Variants in KYNU observed in about 807,000 individuals in gnomAD.
KYNU encodes kynureninase, also known as L-kynurenine hydrolase.
Under a neutral mutation model 59.2 loss-of-function variants are expected in KYNU, and 54 were observed. The ratio of observed to expected loss-of-function variants is 0.91; its 90% confidence interval spans 0.73 to 1.14. KYNU has a LOEUF of 1.14. Among genes scored for constraint, KYNU ranks in the 50% most tolerant of loss-of-function variants. The pLI, the probability that KYNU is intolerant of heterozygous loss-of-function variation, is 0.00. For synonymous variants in KYNU, 177 were observed against 192.0 expected, an observed-to-expected ratio of 0.92 and a Z score of 0.65; for missense variants, 567 against 554.4, an observed-to-expected ratio of 1.02 and a Z score of -0.23.
chr2:142,909,112 A>G (rs1223664438), intron 2 of KYNU, among the ~76,000 whole-genome samples: 4 of 152,046 alleles, frequency 2.6e-5, no homozygotes, highest in African/African-American at 9.7e-5. Context: ...TTGTGATCAT[A>G]TATGGCTAGT....
chr2:142,881,754 A>T (rs954952862), intron 1 of KYNU, among the ~76,000 whole-genome samples: 3 of 151,356 alleles, frequency 2.0e-5, no homozygotes, highest in African/African-American at 7.3e-5. Flanking sequence ...CCTAAATATA[A>T]TTTTTTTTTA....
intron 10 of KYNU, among the ~76,000 whole-genome samples, chr2:143,020,823 G>A (rs187232673): frequency 6.6e-6 from 1 of 152,244 alleles, no homozygotes; most frequent in East Asian, 1.9e-4. Context: ...GAATTTCGTA[G>A]GTCAATGGTG....
chr2:143,029,735 C>T lies in KYNU; in HGVS notation c.955+56C>T, dbSNP rs1052396477. On this transcript the variant is annotated intron_variant, in intron 11 of 13. Coordinates refer to ENST00000264170, the MANE Select transcript of KYNU (RefSeq NM_003937.3). Reference sequence around the variant, plus strand: ...TTTATTTTAACTTTATTTCAATGTTCATCTGTCTTTGTATTATGTGTAATG... The same window carrying T: ...TTTATTTTAACTTTATTTCAATGTTTATCTGTCTTTGTATTATGTGTAATG... 2.0e-5 allele frequency: 21 copies of T among 1,045,520 alleles called. No individual in the cohort carries two copies. The African/African-American group carries it at 3.1e-4, about 16-fold the overall frequency. 64.8% of individuals were successfully genotyped at this position (1,045,520 alleles called of 1,614,324 possible).
rs354687 is a variant in KYNU at position 143,043,175 on chromosome 2, A to T, written c.*1003A>T. On this transcript the variant is annotated 3_prime_UTR_variant, in exon 14 of 14. Coordinates refer to ENST00000264170, the MANE Select transcript of KYNU (RefSeq NM_003937.3). Reference sequence around the variant, plus strand: ...ATAAGAGCTTAGATATTATATTACTATGTTTCCATAGTAAATAAATAACCC... The same window carrying T: ...ATAAGAGCTTAGATATTATATTACTTTGTTTCCATAGTAAATAAATAACCC... The T allele has an allele frequency of 6.6e-6, 1 of 151,672 alleles. No homozygotes were observed. Among genetic ancestry groups the T allele is most frequent in the African/African-American group, 2.4e-5 (1 of 41,310 alleles). 9.4% of individuals were successfully genotyped at this position (151,672 alleles called of 1,614,324 possible). A position where few individuals can be genotyped will look rare whatever the true frequency, so the allele number is the denominator to read the frequency against.
chr2:143,037,592 C>A (rs953883578), intron 12 of KYNU, among the ~76,000 whole-genome samples: 1 of 152,060 alleles, frequency 6.6e-6, no homozygotes, highest in Non-Finnish European at 1.5e-5. Context: ...TCACACCAAA[C>A]TTATTTTTCC....
chr2:142,947,981 A>C (rs1311947689), intron 4 of KYNU: 1 of 152,206 alleles, frequency 6.6e-6, no homozygotes, highest in Non-Finnish European at 1.5e-5. Context: ...CTTTATTTAC[A>C]AAGAGTAGTT....
chr2:143,007,281 G>A (rs1302176136), intron 10 of KYNU, among the ~76,000 whole-genome samples: 2 of 149,810 alleles, frequency 1.3e-5, no homozygotes, highest in East Asian at 3.9e-4. Flanking sequence ...AGGAACCGGT[G>A]CGATCAACTG....
chr2:143,048,920 C>T lies in KYNU; in HGVS notation c.*6748C>T, dbSNP rs1313206358. ...TAGTGGGAATGTAAATTAGTTCAAC[C>T]ATTGCTCTTAAGGGCTCTTTGTCTT... On this transcript the variant is annotated 3_prime_UTR_variant, in exon 14 of 14. Coordinates refer to ENST00000264170, the MANE Select transcript of KYNU (RefSeq NM_003937.3). 6.6e-6 allele frequency: 1 copy of T among 152,128 alleles called. No individual in the cohort carries two copies. The highest frequency in any genetic ancestry group is 1.5e-5 in the Non-Finnish European group (1 of 68,026). The allele number at this position is 152,128 out of a possible 1,614,324, so 9.4% of individuals were successfully genotyped here.
chr2:142,975,610 C>T (rs1684859816), intron 8 of KYNU, among the ~76,000 whole-genome samples: 1 of 152,206 alleles, frequency 6.6e-6, no homozygotes, highest in Non-Finnish European at 1.5e-5. Flanking sequence ...CTGGCCCCAG[C>T]ACACACTCGC....
At chr2:142,957,509 G>A (rs751967655) in intron 6 of KYNU, 132 bp from the exon 7 acceptor site, 1 of 649,872 alleles carries the variant, frequency 1.5e-6, no homozygotes, top group Non-Finnish European at 2.8e-6. Context: ...TGTGTATTTT[G>A]TTTAGGTGTT....
intron 2 of KYNU, among the ~76,000 whole-genome samples, chr2:142,914,519 A>C (rs1469832774): frequency 6.6e-6 from 1 of 152,138 alleles, no homozygotes; most frequent in Non-Finnish European, 1.5e-5. Flanking sequence ...AGAGTGCTTC[A>C]CAGATACTGC....
At chr2:142,944,282 C>T (rs530143862) in intron 4 of KYNU, among the ~76,000 whole-genome samples, 2 of 152,292 alleles carry the variant, frequency 1.3e-5, no homozygotes, top group South Asian at 2.1e-4. Context: ...TGCTGAAATA[C>T]TTAATGGATC....
Position 142,999,007 on chromosome 2 carries a change from C to CA in KYNU, c.902+13014dup, listed in dbSNP as rs59742828. Reference sequence around the variant, plus strand: ...CTGGCAACAGACTGAGACTCCGTCTCAAAAAAAAAAAAAAAAAAAAAAAAA... The same window carrying CA: ...CTGGCAACAGACTGAGACTCCGTCTCAAAAAAAAAAAAAAAAAAAAAAAAAA... On this transcript the variant is annotated intron_variant, in intron 10 of 13. Coordinates refer to ENST00000264170, the MANE Select transcript of KYNU (RefSeq NM_003937.3). Among the ~76,000 whole-genome samples, 442 of 63,384 alleles carry CA rather than the reference C, an allele frequency of 7.0e-3. 31 individuals are homozygous for CA. The highest frequency in any genetic ancestry group is 0.012 in the African/African-American group (173 of 13,982). The allele number at this position is 63,384 out of a possible 152,430, so 41.6% of individuals were successfully genotyped here. A position where few individuals can be genotyped will look rare whatever the true frequency, so the allele number is the denominator to read the frequency against.
intron 9 of KYNU, among the ~76,000 whole-genome samples, 155 bp from the exon 10 acceptor site, chr2:142,985,793 A>G (rs568872359): frequency 6.6e-6 from 1 of 152,080 alleles, no homozygotes; most frequent in South Asian, 2.1e-4. Context: ...GAGGAAGGTG[A>G]CCTAAGCTTC....
intron 1 of KYNU, among the ~76,000 whole-genome samples, chr2:142,882,206 T>A (rs1222055974): frequency 6.6e-6 from 1 of 152,100 alleles, no homozygotes; most frequent in East Asian, 1.9e-4. Flanking sequence ...CCTATCTACT[T>A]TTTCTCCAAA....
intron 12 of KYNU, among the ~76,000 whole-genome samples, chr2:143,036,327 C>G (rs1460536298): frequency 6.6e-6 from 1 of 152,136 alleles, no homozygotes; most frequent in Non-Finnish European, 1.5e-5. Context: ...CGTGTCCACC[C>G]TACTGCTGTG....
intron 2 of KYNU, among the ~76,000 whole-genome samples, chr2:142,909,559 T>G (rs751078917): frequency 2.0e-5 from 3 of 152,204 alleles, no homozygotes; most frequent in Non-Finnish European, 4.4e-5. Flanking sequence ...TAGTATGCAG[T>G]TCTCTGATCA....
chr2:142,956,363 G>C (rs1443362724), intron 6 of KYNU, 89 bp downstream of exon 6: 1 of 756,706 alleles, frequency 1.3e-6, no homozygotes, highest in African/African-American at 1.8e-5. Context: ...TACTCACTAG[G>C]CTTTTCCAAG....
intron 10 of KYNU, among the ~76,000 whole-genome samples, chr2:142,990,253 G>A (rs1245139521): frequency 6.6e-6 from 1 of 151,732 alleles, no homozygotes; most frequent in African/African-American, 2.4e-5. Context: ...GTTAATTATT[G>A]CTCTGAAATA....
Sources: allele counts gnomAD v4.1 joint callset (sites outside exome capture counted in the v4.1 genomes callset), GRCh38; gene constraint gnomAD v4.1.1; transcripts MANE v1.5; gene names NCBI Gene and HGNC (gene_info 2026-07-23, HGNC 2026-07-21).